Variants in BET1 observed in about 807,000 individuals in gnomAD.
The protein encoded by BET1 is Bet1 golgi vesicular membrane trafficking protein.
A neutral mutation model predicts 13.9 loss-of-function variants in BET1; 9 were observed. The ratio of observed to expected loss-of-function variants is 0.65; its 90% CI spans 0.39 to 1.13. BET1 has a LOEUF of 1.13. Ranked by LOEUF, BET1 falls within the 50% of genes most tolerant of loss-of-function variation. The pLI is 0.01. For synonymous variants in BET1, 39 were observed against 47.3 expected, an observed-to-expected ratio of 0.82 and a Z score of 0.72; for missense variants, 127 against 133.6, an observed-to-expected ratio of 0.95 and a Z score of 0.24.
chr7:93,992,649 C>T (rs1584140805), downstream of BET1: 2 of 985,226 alleles, frequency 2.0e-6, no homozygotes, highest in Non-Finnish European at 2.4e-6. Context: ...TGAAAACAAC[C>T]TATTGTCTTG....
At chr7:93,974,051 GA>G (rs994231845) in intron 5 of BET1, among the ~76,000 whole-genome samples, 3 of 151,648 alleles carry the variant, frequency 2.0e-5, no homozygotes, top group South Asian at 2.1e-4. Flanking sequence ...TGCTAGGGTT[GA>G]AAAAAATACA....
At chr7:93,997,517 A>T (rs1272723852) in intron 2 of BET1, among the ~76,000 whole-genome samples, 1 of 152,206 alleles carries the variant, frequency 6.6e-6, no homozygotes, top group Non-Finnish European at 1.5e-5. Flanking sequence ...TAAAATTAAC[A>T]TTATACAATA....
chr7:94,004,339 A>G lies in BET1; in HGVS notation c.-123T>C. On this transcript the variant is annotated 5_prime_UTR_variant, in exon 1 of 4. Coordinates refer to ENST00000222547, the MANE Select transcript of BET1 (RefSeq NM_005868.6). ...GCGAAACACCAACTTCTTCCCCTAA[A>G]GCGCCACGACATCAGTGGAGTCTAA... is the stretch of plus-strand genomic sequence containing the variant. 1.5e-6 allele frequency: 2 copies of G among 1,361,374 alleles called. No individual in the cohort carries two copies. The highest frequency in any genetic ancestry group is 1.2e-5 in the South Asian group (1 of 84,782). 84.3% of individuals were successfully genotyped at this position (1,361,374 alleles called of 1,614,324 possible).
intron 4 of BET1, among the ~76,000 whole-genome samples, chr7:93,983,055 A>G (rs1043165803): frequency 4.6e-5 from 7 of 152,200 alleles, no homozygotes; most frequent in Admixed American, 4.6e-4. Flanking sequence ...ATGCCAAAAA[A>G]TCAGTACCAG....
At position 93,994,142 on chromosome 7, in the gene BET1, C is replaced by T; in HGVS notation, c.*88G>A. ...AATGGAAAATGCCACAGTATTTGAA[C>T]ACTAGGAATGTTTTGATGCTGATTT... On this transcript the variant is annotated 3_prime_UTR_variant, in exon 4 of 4. Transcript: ENST00000222547. 1 of 1,498,738 alleles carries T rather than the reference C, an allele frequency of 6.7e-7. No homozygotes were observed. The highest frequency in any genetic ancestry group is 8.9e-7 in the Non-Finnish European group (1 of 1,129,718). The allele number at this position is 1,498,738 out of a possible 1,614,324, so 92.8% of individuals were successfully genotyped here. A position where few individuals can be genotyped will look rare whatever the true frequency, so the allele number is the denominator to read the frequency against.
chr7:93,990,324 T>G (rs1795607647), downstream of BET1, among the ~76,000 whole-genome samples: 1 of 152,010 alleles, frequency 6.6e-6, no homozygotes, highest in African/African-American at 2.4e-5. Context: ...CTTAATAAAT[T>G]ACCAGCTGGT....
At chr7:93,966,053 C>G (rs1795167742) in intron 6 of BET1, among the ~76,000 whole-genome samples, 1 of 151,868 alleles carries the variant, frequency 6.6e-6, no homozygotes. Context: ...TGAACAGGGT[C>G]AAAATAGCCA....
chr7:93,995,861 G>A (rs554702844), intron 3 of BET1, among the ~76,000 whole-genome samples: 1 of 152,258 alleles, frequency 6.6e-6, no homozygotes, highest in South Asian at 2.1e-4. Flanking sequence ...TGATCCTTAG[G>A]AAATCAAGCA....
At chr7:93,998,171 T>A (rs1274086288) in intron 2 of BET1, among the ~76,000 whole-genome samples, 6 of 152,182 alleles carry the variant, frequency 3.9e-5, no homozygotes, top group African/African-American at 1.4e-4. Context: ...GTGTGAGAGA[T>A]AAGATCTCAA....
In BET1 at chr7:93,996,274, T is replaced by C. The variant is rs1478591124; in HGVS notation, c.192A>G (p.Leu64=). The C allele has an allele frequency of 1.3e-6, 2 of 1,576,200 alleles. No individual in the cohort carries two copies. Among genetic ancestry groups the C allele is most frequent in the East Asian group, 2.3e-5 (1 of 43,798 alleles). ...AATCATAACCACTTACCATTTCAGC[T>C]AATAATTTATTCTGGGTTTTAACTT... ...GHEVKTQNKL[L]AEMDSQFDST... is the part of the protein sequence containing the mutation. The change falls in exon 3 of 4, where the codon TTA becomes TTG. Residue 64 remains leucine, a synonymous_variant. Coordinates refer to ENST00000222547, the MANE Select transcript of BET1 (RefSeq NM_005868.6).
chr7:93,981,560 G>C (rs1207080026), intron 4 of BET1, among the ~76,000 whole-genome samples: 2 of 152,160 alleles, frequency 1.3e-5, no homozygotes, highest in East Asian at 1.9e-4. Context: ...AATGCAAAGA[G>C]AGCATACTAC....
At chr7:93,975,082 T>G (rs145179840) in intron 5 of BET1, among the ~76,000 whole-genome samples, 30 of 152,048 alleles carry the variant, frequency 2.0e-4, no homozygotes, top group African/African-American at 7.0e-4. Context: ...CCAGGACTCT[T>G]CAGAAGTGTC....
chr7:93,987,568 T>A (rs1795550845), intron 4 of BET1, among the ~76,000 whole-genome samples: 1 of 152,092 alleles, frequency 6.6e-6, no homozygotes, highest in South Asian at 2.1e-4. Context: ...ACAACTGGGT[T>A]TCCGTATCTG....
chr7:93,967,002 A>G (rs1795183531), intron 6 of BET1, among the ~76,000 whole-genome samples: 2 of 151,922 alleles, frequency 1.3e-5, no homozygotes, highest in Non-Finnish European at 2.9e-5. Context: ...CTTAAAAAGA[A>G]TATGCCTATG....
downstream of BET1, chr7:93,991,723 C>T (rs1476875): frequency 5.5e-3 from 4,777 of 869,354 alleles, 83 homozygotes; most frequent in East Asian, 0.11. Context: ...GATTTATGCT[C>T]AGGCAGTGTA....
intron 1 of BET1, among the ~76,000 whole-genome samples, chr7:94,002,753 C>T (rs919617898): frequency 6.6e-6 from 1 of 152,148 alleles, no homozygotes; most frequent in African/African-American, 2.4e-5. Flanking sequence ...GATCCCGAAT[C>T]CCCTACTTCA....
Position 93,994,083 on chromosome 7 carries a change from T to G in BET1, c.*147A>C, listed in dbSNP as rs890515724. 1.0e-5 allele frequency: 15 copies of G among 1,441,492 alleles called. No homozygotes were observed. The African/African-American group carries it at 1.6e-4, about 15-fold the overall frequency. 89.3% of individuals were successfully genotyped at this position (1,441,492 alleles called of 1,614,324 possible). On this transcript the variant is annotated 3_prime_UTR_variant, in exon 4 of 4. Coordinates refer to ENST00000222547, the MANE Select transcript of BET1 (RefSeq NM_005868.6). ...TCAAAGACCACTGTATTAACTAATG[T>G]GATTTATAAAATAAGCAAAATTCAG...
At chr7:93,992,210 G>A (rs1321267110), downstream of BET1, 1 of 985,174 alleles carries the variant, frequency 1.0e-6, no homozygotes, top group African/African-American at 1.7e-5. Context: ...AAAATCATAA[G>A]AAATGTTGAA....
At position 93,985,252 on chromosome 7, in the gene BET1, A is replaced by G. The variant is rs558988934; in HGVS notation, c.235+9100T>C. On this transcript the variant is annotated intron_variant and NMD_transcript_variant, in intron 4 of 6. Coordinates refer to the BET1 transcript ENST00000357520. Reference sequence around the variant, plus strand: ...CTATAAAGTTTCATGCTGAGCTACAAAAACAATGCTGTGTGTGATTAAGAA... The same window carrying G: ...CTATAAAGTTTCATGCTGAGCTACAGAAACAATGCTGTGTGTGATTAAGAA... Among the ~76,000 whole-genome samples the G allele has an allele frequency of 2.0e-5, 3 of 152,326 alleles. No homozygotes were observed. In the East Asian group the frequency reaches 5.8e-4, roughly 29 times the overall value.
Sources: allele counts gnomAD v4.1 joint callset (sites outside exome capture counted in the v4.1 genomes callset), GRCh38; gene constraint gnomAD v4.1.1; transcripts MANE v1.5; gene names NCBI Gene and HGNC (gene_info 2026-07-23, HGNC 2026-07-21).